PPP1R18: variants seen among roughly 807,000 people sequenced by gnomAD.
PPP1R18 encodes the protein phostensin.
PPP1R18 carries 31 observed loss-of-function variants against 54.8 expected under a neutral mutation model. The ratio of observed to expected loss-of-function variants is 0.57; its 90% CI spans 0.43 to 0.76. The LOEUF is 0.76. Ranked by LOEUF, PPP1R18 falls within the 30% of genes least tolerant of loss-of-function variation. PPP1R18 has a pLI of 0.00. For missense variants in PPP1R18, 685 were observed against 776.1 expected (o/e 0.88, Z 1.39); for synonymous variants, 310 against 320.2 (o/e 0.97, Z 0.34).
chr6:30,679,159 C>T lies in PPP1R18; in HGVS notation c.1822+20G>A. On this transcript the variant is annotated intron_variant, in intron 2 of 2. Transcript: ENST00000274853. ...TCTGACAGCAGGGGGCGCCCTCGGG[C>T]CGGCGGAGCCTCCGCTTACCCACAA... 6.3e-7 allele frequency: 1 copy of T among 1,592,688 alleles called. No individual in the cohort carries two copies.
chr6:30,686,134 G>A lies in PPP1R18; in HGVS notation c.-116C>T. Reference sequence around the variant, plus strand: ...GGGTGGGAGGAGAGGAAGTGGAGGGGGAGAGGTGGGACACAAAGCAGGGCA... The same window carrying A: ...GGGTGGGAGGAGAGGAAGTGGAGGGAGAGAGGTGGGACACAAAGCAGGGCA... On this transcript the variant is annotated 5_prime_UTR_variant, in exon 1 of 3. Transcript: ENST00000274853. The A allele has an allele frequency of 9.3e-7, 1 of 1,076,346 alleles. No individual in the cohort carries two copies. The highest frequency in any genetic ancestry group is 1.3e-6 in the Non-Finnish European group (1 of 749,442). 66.7% of individuals were successfully genotyped at this position (1,076,346 alleles called of 1,614,324 possible).
rs1318630194 is a variant in PPP1R18 at position 30,685,690 on chromosome 6, G to A, written c.329C>T (p.Ala110Val). Residue 110 changes from alanine to valine, a missense_variant, in exon 1 of 3, where the codon GCA (alanine) becomes GTA (valine). Transcript: ENST00000274853. This position sits in a 1 kb window ranked among gnomAD's most constrained non-coding sequence, Gnocchi z 5.0. ...QQQQRSEELLAERKPGPLEAR... is the reference protein window; with the variant it reads ...QQQQRSEELLVERKPGPLEAR... The stretch of plus-strand genomic sequence containing the variant: ...CTCCAGAGGCCCAGGCTTTCTCTCT[G>A]CTAGCAGCTCTTCACTCCGTTGTTG... The A allele has an allele frequency of 6.2e-6, 10 of 1,612,956 alleles. No individual in the cohort carries two copies. The highest frequency in any genetic ancestry group is 8.5e-6 in the Non-Finnish European group (10 of 1,180,046).
At position 30,684,695 on chromosome 6, in the gene PPP1R18, G is replaced by A; in HGVS notation, c.1324C>T (p.Gln442Ter). Residue 442 changes from glutamine to a stop codon, truncating the protein, a stop_gained, in exon 1 of 3, where the codon CAA becomes TAA. Coordinates refer to ENST00000274853, the MANE Select transcript of PPP1R18 (RefSeq NM_133471.4). LOFTEE classifies it high-confidence loss of function. The surrounding 1 kb of genome is among the most constrained non-coding windows in gnomAD (Gnocchi z 6.0). ...SPPPPAPTAP[Q>*]PPGDPLMSRL... ...CTCATGAGGGGATCCCCAGGAGGTT[G>A]GGGGGCAGTTGGGGCTGGGGGTGGG... 6.7e-7 allele frequency: 1 copy of A among 1,483,926 alleles called. No individual in the cohort carries two copies. Among genetic ancestry groups the A allele is most frequent in the Non-Finnish European group, 9.0e-7 (1 of 1,112,798 alleles). 91.9% of individuals were successfully genotyped at this position (1,483,926 alleles called of 1,614,324 possible).
rs1003665689 is a variant in PPP1R18, at chr6:30,685,792, G to A, written c.227C>T (p.Ala76Val). 9.9e-6 allele frequency: 16 copies of A among 1,612,936 alleles called. No homozygotes were observed. Among genetic ancestry groups the A allele is most frequent in the South Asian group, 2.2e-5 (2 of 91,090 alleles). Residue 76 changes from alanine to valine, a missense_variant, in exon 1 of 3, where the codon GCG becomes GTG. Ala to Val is a moderately conservative substitution (Grantham distance 64). Coordinates refer to ENST00000274853, the MANE Select transcript of PPP1R18 (RefSeq NM_133471.4). This position sits in a 1 kb window ranked among gnomAD's most constrained non-coding sequence, Gnocchi z 5.0. ...EAGPPDPDES[A>V]VLLEAIGPVH... ...TGGCCCGATGGCCTCCAGAAGGACC[G>A]CAGACTCATCCGGGTCTGGAGGTCC...
chr6:30,680,047 A>G (rs1371151189), intron 1 of PPP1R18, among the ~76,000 whole-genome samples: 1 of 152,200 alleles, frequency 6.6e-6, no homozygotes, highest in East Asian at 1.9e-4. Flanking sequence ...GAGAGGAACC[A>G]AGAGACTCCA....
chr6:30,684,496 G>A lies in PPP1R18; in HGVS notation c.1523C>T (p.Thr508Ile), dbSNP rs1250415363. Residue 508 changes from threonine to isoleucine, a missense_variant, in exon 1 of 3, where the codon ACT becomes ATT. Thr to Ile is a moderately conservative substitution (Grantham distance 89). Coordinates refer to ENST00000274853, the MANE Select transcript of PPP1R18 (RefSeq NM_133471.4). The surrounding 1 kb of genome is among the most constrained non-coding windows in gnomAD (Gnocchi z 6.0). ...VPGAGKKRYP[T>I]AEEILVLGGY... is the part of the protein sequence containing the mutation. ...CCCCAGAACCAAGATCTCCTCGGCA[G>A]TTGGGTACCGCTTCTTCCCAGCCCC... 5.6e-6 allele frequency: 9 copies of A among 1,612,552 alleles called. No homozygotes were observed. Among genetic ancestry groups the A allele is most frequent in the Non-Finnish European group, 7.6e-6 (9 of 1,179,744 alleles).
Position 30,685,436 on chromosome 6 carries a change from T to C in PPP1R18, c.583A>G (p.Ser195Gly). The change falls in exon 1 of 3, where the codon AGT becomes GGT. Residue 195 changes from serine (S) to glycine (G), a missense_variant. By Grantham distance (56) the Ser-to-Gly change is moderately conservative. Transcript: ENST00000274853. The surrounding 1 kb of genome is among the most constrained non-coding windows in gnomAD (Gnocchi z 5.0). ...CTCCGCTCTGGAGTTTCTCCAGGAC[T>C]CAGCCTCCATTTCCATGCCTCTGAC... is the stretch of plus-strand genomic sequence containing the variant. ...RLSEAWKWRL[S>G]PGETPERSLR... The C allele has an allele frequency of 6.2e-7, 1 of 1,613,072 alleles. No individual in the cohort carries two copies.
Position 30,685,903 on chromosome 6 carries a change from C to T in PPP1R18, c.116G>A (p.Trp39Ter). ...ERERLSQMPA[W>*]KRGLLERRRA... is the part of the protein sequence containing the mutation. ...GCGGCGCTCCAGGAGCCCTCGTTTC[C>T]AGGCTGGCATCTGGGACAGGCGCTC... Residue 39 changes from tryptophan (W) to a stop codon, truncating the protein, a stop_gained, in exon 1 of 3, where the codon TGG becomes TAG. Transcript: ENST00000274853. LOFTEE classifies it high-confidence loss of function. This position sits in a 1 kb window ranked among gnomAD's most constrained non-coding sequence, Gnocchi z 5.0. 2 of 1,610,408 alleles carry T rather than the reference C, an allele frequency of 1.2e-6. No individual in the cohort carries two copies. The highest frequency in any genetic ancestry group is 1.7e-6 in the Non-Finnish European group (2 of 1,180,020).
At position 30,686,174 on chromosome 6, in the gene PPP1R18, G is replaced by A. The variant is rs1770919853; in HGVS notation, c.-156C>T. The stretch of plus-strand genomic sequence containing the variant: ...AAAGCAGGGCAGAGGGGCTAAGGAT[G>A]AGGACAGAGGGAAAGACGGAAGGCA... On this transcript the variant is annotated 5_prime_UTR_variant, in exon 1 of 3. Transcript: ENST00000274853. 1 of 684,358 alleles carries A rather than the reference G, an allele frequency of 1.5e-6. No individual in the cohort carries two copies. The highest frequency in any genetic ancestry group is 2.4e-6 in the Non-Finnish European group (1 of 416,622). 42.4% of individuals were successfully genotyped at this position (684,358 alleles called of 1,614,324 possible).
In PPP1R18 at chr6:30,684,509, T is replaced by G; in HGVS notation, c.1510A>C (p.Lys504Gln). The change falls in exon 1 of 3, where the codon AAG (lysine) becomes CAG (glutamine). Residue 504 changes from lysine to glutamine, a missense_variant. Transcript: ENST00000274853. This position sits in a 1 kb window ranked among gnomAD's most constrained non-coding sequence, Gnocchi z 6.0. Reference sequence around the variant, plus strand: ...ATCTCCTCGGCAGTTGGGTACCGCTTCTTCCCAGCCCCCGGGACTGCAGCA... The same window carrying G: ...ATCTCCTCGGCAGTTGGGTACCGCTGCTTCCCAGCCCCCGGGACTGCAGCA... Reference protein sequence around the residue: ...VDAAVPGAGKKRYPTAEEILV... With the variant: ...VDAAVPGAGKQRYPTAEEILV... 6 of 1,612,608 alleles carry G rather than the reference T, an allele frequency of 3.7e-6. No individual in the cohort carries two copies. Among genetic ancestry groups the G allele is most frequent in the Non-Finnish European group, 5.1e-6 (6 of 1,179,810 alleles).
chr6:30,684,032 C>T lies in PPP1R18; in HGVS notation c.1611+376G>A, dbSNP rs985706589. On this transcript the variant is annotated intron_variant, in intron 1 of 2. Transcript: ENST00000274853. This position sits in a 1 kb window ranked among gnomAD's most constrained non-coding sequence, Gnocchi z 6.0. The stretch of plus-strand genomic sequence containing the variant: ...GTGCTCTCACCCTGGTGACCCTGCC[C>T]TCACTGATTCAAGCTCGTCACTTTA... Among the ~76,000 whole-genome samples the T allele has an allele frequency of 6.6e-6, 1 of 152,116 alleles. No homozygotes were observed. Among genetic ancestry groups the T allele is most frequent in the Non-Finnish European group, 1.5e-5 (1 of 68,004 alleles).
At chr6:30,679,442 C>A (rs992094795) in intron 1 of PPP1R18, 53 bp from the exon 2 acceptor site, 3 of 345,196 alleles carry the variant, frequency 8.7e-6, no homozygotes, top group Non-Finnish European at 1.4e-5. Context: ...GGGAGAAGCC[C>A]GCGGGGGTTG....
chr6:30,685,075 T>C lies in PPP1R18; in HGVS notation c.944A>G (p.Glu315Gly). Residue 315 changes from glutamate to glycine, a missense_variant, in exon 1 of 3, where the codon GAG (glutamate) becomes GGG (glycine). Glu to Gly is a moderately conservative substitution (Grantham distance 98). Transcript: ENST00000274853. This position sits in a 1 kb window ranked among gnomAD's most constrained non-coding sequence, Gnocchi z 5.0. Reference sequence around the variant, plus strand: ...CTCGCCATCTTCCACAGGCCTCTGCTCTGCTGCCTCCACTCCTGCGGAACT... The same window carrying C: ...CTCGCCATCTTCCACAGGCCTCTGCCCTGCTGCCTCCACTCCTGCGGAACT... ...GNSSAGVEAA[E>G]QRPVEDGERG... 6.2e-7 allele frequency: 1 copy of C among 1,613,252 alleles called. No individual in the cohort carries two copies. The highest frequency in any genetic ancestry group is 1.1e-5 in the South Asian group (1 of 91,088).
rs1469398105 is a variant in PPP1R18 at position 30,683,956 on chromosome 6, C to A, written c.1611+452G>T. ...CTCCCTAGAACACAAACCCACCCCACCCCCTCCACCACCCCAGGCTCCCTA... is the reference window on the plus strand; with the variant it reads ...CTCCCTAGAACACAAACCCACCCCAACCCCTCCACCACCCCAGGCTCCCTA... On this transcript the variant is annotated intron_variant, in intron 1 of 2. Coordinates refer to ENST00000274853, the MANE Select transcript of PPP1R18 (RefSeq NM_133471.4). This position sits in a 1 kb window ranked among gnomAD's most constrained non-coding sequence, Gnocchi z 5.1. Among the ~76,000 whole-genome samples the A allele has an allele frequency of 6.6e-6, 1 of 151,736 alleles. No individual in the cohort carries two copies. The highest frequency in any genetic ancestry group is 1.9e-4 in the East Asian group (1 of 5,190).
Position 30,684,518 on chromosome 6 carries a change from C to G in PPP1R18, c.1501G>C (p.Ala501Pro), listed in dbSNP as rs1387308446. 1 of 1,612,124 alleles carries G rather than the reference C, an allele frequency of 6.2e-7. No homozygotes were observed. ...GCAGTTGGGTACCGCTTCTTCCCAG[C>G]CCCCGGGACTGCAGCATCAACTGTG... ...PATVDAAVPG[A>P]GKKRYPTAEE... is the part of the protein sequence containing the mutation. Residue 501 changes from alanine (A) to proline (P), a missense_variant, in exon 1 of 3, where the codon GCT (alanine) becomes CCT (proline). By Grantham distance (27) the Ala-to-Pro change is conservative. Transcript: ENST00000274853. This position sits in a 1 kb window ranked among gnomAD's most constrained non-coding sequence, Gnocchi z 6.0.
At chr6:30,682,156 C>G (rs538722065) in intron 1 of PPP1R18, among the ~76,000 whole-genome samples, 95 of 152,286 alleles carry the variant, frequency 6.2e-4, no homozygotes, top group Non-Finnish European at 8.8e-4. Context: ...ATCTCCCCCC[C>G]TACCCTGCCT....
intron 2 of PPP1R18, 98 bp from the exon 3 acceptor site, chr6:30,677,386 A>G (rs944678058): frequency 1.0e-6 from 1 of 998,690 alleles, no homozygotes; most frequent in African/African-American, 1.7e-5. Context: ...GTTGGCATGC[A>G]GGAAGTCCTA....
rs199834022 is a variant in PPP1R18, at chr6:30,684,599, C to T, written c.1420G>A (p.Val474Ile). The change falls in exon 1 of 3, where the codon GTC (valine) becomes ATC (isoleucine). Residue 474 changes from valine (V) to isoleucine (I), a missense_variant. Transcript: ENST00000274853. This position sits in a 1 kb window ranked among gnomAD's most constrained non-coding sequence, Gnocchi z 6.0. ...APRRSGHTFT[V>I]NPRRSVPPAT... ...GGGGGCACAGACCGCCGGGGGTTGA[C>T]GGTGAAGGTGTGTCCACTGCGGCGG... 9,314 of 1,592,878 alleles carry T rather than the reference C, an allele frequency of 5.8e-3. 32 individuals are homozygous for T. The highest frequency in any genetic ancestry group is 7.3e-3 in the Non-Finnish European group (8,497 of 1,169,338).
rs1215053847 is a variant in PPP1R18 at position 30,677,197 on chromosome 6, C to T, written c.*72G>A. The T allele has an allele frequency of 7.1e-7, 1 of 1,405,242 alleles. No homozygotes were observed. Among genetic ancestry groups the T allele is most frequent in the African/African-American group, 1.4e-5 (1 of 70,654 alleles). The allele number at this position is 1,405,242 out of a possible 1,614,324, so 87.0% of individuals were successfully genotyped here. ...CAGGCTCATTATCAGGGTCTGTCTG[C>T]CCTGAATCTTCCGGGCTCCAGGATC... On this transcript the variant is annotated 3_prime_UTR_variant, in exon 3 of 3. Coordinates refer to ENST00000274853, the MANE Select transcript of PPP1R18 (RefSeq NM_133471.4).
Sources: allele counts gnomAD v4.1 joint callset (sites outside exome capture counted in the v4.1 genomes callset), GRCh38; gene constraint gnomAD v4.1.1; non-coding constraint Gnocchi (gnomAD v3.1); transcripts MANE v1.5; gene names NCBI Gene and HGNC (gene_info 2026-07-23, HGNC 2026-07-21).